CDH12: variants seen among roughly 807,000 people sequenced by gnomAD.
CDH12 encodes cadherin-12.
A neutral mutation model predicts 74.1 loss-of-function variants in CDH12; 41 were observed. The ratio of observed to expected loss-of-function variants is 0.55; its 90% CI spans 0.43 to 0.72. The LOEUF is 0.72. CDH12 is among the 30% of genes least tolerant of loss of function. The probability of loss-of-function intolerance (pLI) is 0.00; values close to 1 mark genes in which losing one functional copy is unlikely to be tolerated. For missense variants in CDH12, 945 were observed against 977.2 expected, an observed-to-expected ratio of 0.97 and a Z score of 0.44; for synonymous variants, 399 against 355.0, an observed-to-expected ratio of 1.12 and a Z score of -1.39.
chr5:21,863,823 CA>C (rs1751179808), intron 6 of CDH12, among the ~76,000 whole-genome samples: 2 of 152,052 alleles, frequency 1.3e-5, no homozygotes, highest in South Asian at 4.1e-4. Flanking sequence ...AATTTCTTTG[CA>C]GAATAACATG....
Position 21,778,193 on chromosome 5 carries a change from C to T in CDH12, c.1393+5165G>A, listed in dbSNP as rs180763250. 2.0e-3 allele frequency among the ~76,000 whole-genome samples: 299 copies of T among 152,020 alleles called. 3 individuals are homozygous for T. Among genetic ancestry groups the T allele is most frequent in the Admixed American group, 0.013 (204 of 15,256 alleles). On this transcript the variant is annotated intron_variant, in intron 11 of 14. Coordinates refer to ENST00000382254, the MANE Select transcript of CDH12 (RefSeq NM_004061.5). ...AGAATGTGTTCTGGAATGAGAGACT[C>T]CAGGGTGTTGGTCCGAGCCTGGTCA...
rs181366123 is a variant in CDH12 at position 22,073,760 on chromosome 5, G to C, written c.231+4686C>G. ...TGCAAGGATATCAGCATGAACATCT[G>C]ATTCTTTAAATACAAGGGTTGTTGA... On this transcript the variant is annotated intron_variant, in intron 5 of 14. Transcript: ENST00000382254. Among the ~76,000 whole-genome samples, 7 of 152,188 alleles carry C rather than the reference G, an allele frequency of 4.6e-5. No homozygotes were observed. The East Asian group carries it at 1.4e-3, about 29-fold the overall frequency.
intron 1 of CDH12, among the ~76,000 whole-genome samples, chr5:22,811,088 C>T (rs1356547690): frequency 4.0e-5 from 6 of 151,290 alleles, no homozygotes; most frequent in Non-Finnish European, 8.8e-5. Context: ...CATATATACA[C>T]ACGTATATGT....
At chr5:21,874,564 G>C (rs1751827618) in intron 6 of CDH12, among the ~76,000 whole-genome samples, 1 of 152,158 alleles carries the variant, frequency 6.6e-6, no homozygotes, top group Admixed American at 6.5e-5. Flanking sequence ...TTTGAGCAGG[G>C]AGTGGCAACC....
At chr5:22,712,215 T>C (rs2126975699) in intron 1 of CDH12, among the ~76,000 whole-genome samples, 1 of 152,068 alleles carries the variant, frequency 6.6e-6, no homozygotes, top group Non-Finnish European at 1.5e-5. Flanking sequence ...TAAATATGGG[T>C]AAAAATGACA....
At chr5:21,935,109 TCTC>T (rs1180576000) in intron 6 of CDH12, among the ~76,000 whole-genome samples, 3 of 152,034 alleles carry the variant, frequency 2.0e-5, no homozygotes, top group African/African-American at 7.2e-5. Context: ...CAATTCTTTC[TCTC>T]CTCTCCTTCT....
chr5:22,280,662 G>T (rs1736838120), intron 3 of CDH12, among the ~76,000 whole-genome samples: 1 of 152,080 alleles, frequency 6.6e-6, no homozygotes, highest in Non-Finnish European at 1.5e-5. Context: ...ACCCTCCCAA[G>T]ACTAAACCAG....
chr5:22,023,427 GAT>G (rs1488857674), intron 5 of CDH12, among the ~76,000 whole-genome samples: 3 of 151,962 alleles, frequency 2.0e-5, no homozygotes, highest in Non-Finnish European at 4.4e-5. Context: ...GCTCATTTTT[GAT>G]ATGTATCCTG....
At chr5:22,581,044 A>G (rs1193447620) in intron 1 of CDH12, among the ~76,000 whole-genome samples, 1 of 152,212 alleles carries the variant, frequency 6.6e-6, no homozygotes, top group Admixed American at 6.5e-5. Flanking sequence ...CAGTGATACA[A>G]TGCAATAGAA....
intron 5 of CDH12, among the ~76,000 whole-genome samples, chr5:21,987,348 T>A (rs1560996935): frequency 6.6e-6 from 1 of 152,158 alleles, no homozygotes. Context: ...TAAAAATATT[T>A]GATATATTCA....
At chr5:22,553,904 T>C (rs950545616) in intron 1 of CDH12, among the ~76,000 whole-genome samples, 1 of 152,192 alleles carries the variant, frequency 6.6e-6, no homozygotes, top group African/African-American at 2.4e-5. Flanking sequence ...AAAAACTCAT[T>C]CTGATATAAT....
intron 3 of CDH12, among the ~76,000 whole-genome samples, chr5:22,363,181 G>C (rs915449490): frequency 2.6e-5 from 4 of 151,896 alleles, no homozygotes; most frequent in African/African-American, 9.7e-5. Flanking sequence ...AGAAAAATTG[G>C]TAACTAAAGT....
At chr5:21,969,652 A>G (rs1400411774) in intron 6 of CDH12, among the ~76,000 whole-genome samples, 1 of 152,114 alleles carries the variant, frequency 6.6e-6, no homozygotes, top group African/African-American at 2.4e-5. Flanking sequence ...CAAACTCTTG[A>G]GAAGCCTTGA....
intron 1 of CDH12, among the ~76,000 whole-genome samples, chr5:22,664,211 T>G (rs1157239276): frequency 6.6e-6 from 1 of 152,284 alleles, no homozygotes; most frequent in African/African-American, 2.4e-5. Flanking sequence ...ATAACAGAGA[T>G]AGCAATGTTG....
intron 3 of CDH12, among the ~76,000 whole-genome samples, chr5:22,300,466 C>A (rs1377926367): frequency 6.6e-6 from 1 of 152,126 alleles, no homozygotes; most frequent in African/African-American, 2.4e-5. Flanking sequence ...AGGTCAAAAT[C>A]TTGAACTATT....
At chr5:22,078,971 T>C (rs779128662) in intron 4 of CDH12, 109 bp from the exon 5 acceptor site, 3 of 370,252 alleles carry the variant, frequency 8.1e-6, no homozygotes, top group Non-Finnish European at 1.2e-5. Context: ...GAAGAAAGAC[T>C]ATAAAAGAAT....
chr5:21,975,798 T>C (rs1197540582), intron 5 of CDH12, among the ~76,000 whole-genome samples: 1 of 152,064 alleles, frequency 6.6e-6, no homozygotes, highest in African/African-American at 2.4e-5. Context: ...ATTTTGAAAA[T>C]TTGTATTTAG....
chr5:22,280,971 T>C (rs1342038749), intron 3 of CDH12, among the ~76,000 whole-genome samples: 1 of 152,138 alleles, frequency 6.6e-6, no homozygotes, highest in East Asian at 1.9e-4. Flanking sequence ...GCAAAAATCC[T>C]CAATAAAATA....
chr5:22,681,226 G>GT (rs1741468326), intron 1 of CDH12, among the ~76,000 whole-genome samples: 1 of 38,292 alleles, frequency 2.6e-5, no homozygotes, highest in Non-Finnish European at 4.8e-5. Context: ...TGGGTATTGG[G>GT]GGGTGTGTGT....
Sources: gnomAD v4.1 joint callset for allele counts (sites outside exome capture counted in the v4.1 genomes callset) on GRCh38, gnomAD v4.1.1 for gene constraint, MANE v1.5 for transcripts, NCBI Gene and HGNC (gene_info 2026-07-23, HGNC 2026-07-21) for gene names.